KIF13A: variants seen among roughly 807,000 people sequenced by gnomAD.
KIF13A encodes the protein kinesin-like protein KIF13A.
In KIF13A, 79 loss-of-function variants were observed where a neutral mutation model predicts 212.2. The observed-to-expected ratio is 0.37, with a 90% confidence interval of 0.31 to 0.45. KIF13A has a LOEUF of 0.45. Among genes scored for constraint, KIF13A ranks in the 20% least tolerant of loss-of-function variants. The probability of loss-of-function intolerance (pLI) is 1.00; values close to 1 mark genes in which losing one functional copy is unlikely to be tolerated. For missense variants in KIF13A, 1,901 were observed against 2,209.0 expected (o/e 0.86, Z 2.79); for synonymous variants, 789 against 808.6 (o/e 0.98, Z 0.41).
intron 2 of KIF13A, among the ~76,000 whole-genome samples, chr6:17,933,663 C>T (rs573074247): frequency 6.6e-6 from 1 of 151,858 alleles, no homozygotes; most frequent in Non-Finnish European, 1.5e-5. Flanking sequence ...TTTCCTGACA[C>T]GGGAAAAATA....
chr6:17,950,765 A>G (rs1561795381), intron 2 of KIF13A: 7 of 980,908 alleles, frequency 7.1e-6, no homozygotes, highest in Admixed American at 6.2e-5. Flanking sequence ...ACCCTTATCC[A>G]CCCAACTAGA....
At chr6:17,862,977 A>AAAC (rs1562069808) in intron 4 of KIF13A, among the ~76,000 whole-genome samples, 4 of 151,714 alleles carry the variant, frequency 2.6e-5, no homozygotes, top group African/African-American at 9.7e-5. Flanking sequence ...AACAAACAAA[A>AAAC]AAACAAAATT....
chr6:17,816,469 AC>A lies in KIF13A; in HGVS notation c.2000+550del, dbSNP rs1359173948. ...CCTCCCAGTGACCTTATAGGCATGC[AC>A]CACCACGCCTGGGTAATTTTTACTT... On this transcript the variant is annotated intron_variant, in intron 17 of 38. Transcript: ENST00000259711. This position sits in a 1 kb window ranked among gnomAD's most constrained non-coding sequence, Gnocchi z 4.3. Among the ~76,000 whole-genome samples, 1 of 151,904 alleles carries A rather than the reference AC, an allele frequency of 6.6e-6. No individual in the cohort carries two copies. Among genetic ancestry groups the A allele is most frequent in the Non-Finnish European group, 1.5e-5 (1 of 67,988 alleles).
chr6:17,838,742 T>C lies in KIF13A; in HGVS notation c.831-1159A>G, dbSNP rs1434513821. 2.6e-5 allele frequency among the ~76,000 whole-genome samples: 4 copies of C among 152,294 alleles called. No individual in the cohort carries two copies. The highest frequency in any genetic ancestry group is 2.0e-4 in the Admixed American group (3 of 15,292). ...GCTAAATAACGTGTACTCATGGACA[T>C]AGAGACTGGAATGGACAATGGAGAC... On this transcript the variant is annotated intron_variant, in intron 9 of 38. Transcript: ENST00000259711. The surrounding 1 kb of genome is among the most constrained non-coding windows in gnomAD (Gnocchi z 4.2).
chr6:17,987,528 C>A lies in KIF13A; in HGVS notation c.-65G>T. The A allele has an allele frequency of 1.1e-6, 1 of 917,278 alleles. No individual in the cohort carries two copies. The highest frequency in any genetic ancestry group is 1.3e-6 in the Non-Finnish European group (1 of 755,406). The allele number at this position is 917,278 out of a possible 1,614,324, so 56.8% of individuals were successfully genotyped here. On this transcript the variant is annotated 5_prime_UTR_variant, in exon 1 of 39. Coordinates refer to ENST00000259711, the MANE Select transcript of KIF13A (RefSeq NM_022113.6). The surrounding 1 kb of genome is among the most constrained non-coding windows in gnomAD (Gnocchi z 7.7). The stretch of plus-strand genomic sequence containing the variant: ...GCCTTAGGCGGCCCCTCACGCGCGG[C>A]GCCGCCGCCGCTGCAGCCGCGCGCC...
intron 2 of KIF13A, among the ~76,000 whole-genome samples, chr6:17,966,744 C>T (rs1334865527): frequency 1.3e-5 from 2 of 152,202 alleles, no homozygotes; most frequent in Non-Finnish European, 2.9e-5. Flanking sequence ...CTCACTACTT[C>T]AGCTTCATCC....
chr6:17,953,565 C>A (rs961161155), intron 2 of KIF13A: 3 of 152,276 alleles, frequency 2.0e-5, no homozygotes. Context: ...AGTAAACCAC[C>A]GGCATGGCCG....
rs1266640381 is a variant in KIF13A at position 17,967,835 on chromosome 6, G to C, written c.146+19219C>G. ...CTGTGAGATGCATCACAAGTAACTT[G>C]TTAATAAGGTGCTCATTAAGTAAGT... On this transcript the variant is annotated intron_variant, in intron 2 of 38. Coordinates refer to ENST00000259711, the MANE Select transcript of KIF13A (RefSeq NM_022113.6). The surrounding 1 kb of genome is among the most constrained non-coding windows in gnomAD (Gnocchi z 4.1). 2.0e-5 allele frequency among the ~76,000 whole-genome samples: 3 copies of C among 152,186 alleles called. No homozygotes were observed. Among genetic ancestry groups the C allele is most frequent in the Non-Finnish European group, 4.4e-5 (3 of 68,042 alleles).
At chr6:17,833,856 A>C (rs1765684478) in intron 12 of KIF13A, 105 bp downstream of exon 12, 2 of 71,614 alleles carry the variant, frequency 2.8e-5, no homozygotes, top group South Asian at 3.0e-4. Context: ...ACTCCGTCTC[A>C]AAAAAAAAAA....
At chr6:17,798,572 A>G (rs1762231368) in intron 22 of KIF13A, among the ~76,000 whole-genome samples, 1 of 152,218 alleles carries the variant, frequency 6.6e-6, no homozygotes, top group African/African-American at 2.4e-5. Flanking sequence ...AAGAATAAGC[A>G]TGATTTGCAA....
At position 17,783,392 on chromosome 6, in the gene KIF13A, G is replaced by A. The variant is rs1480583972; in HGVS notation, c.3544+254C>T. ...AATCTCTAGGGGTGATTACTTTCCAGGGTAATTTCTATGTCCACTGTTTCA... is the reference window on the plus strand; with the variant it reads ...AATCTCTAGGGGTGATTACTTTCCAAGGTAATTTCTATGTCCACTGTTTCA... On this transcript the variant is annotated intron_variant, in intron 29 of 38. Coordinates refer to ENST00000259711, the MANE Select transcript of KIF13A (RefSeq NM_022113.6). This position sits in a 1 kb window ranked among gnomAD's most constrained non-coding sequence, Gnocchi z 4.3. Among the ~76,000 whole-genome samples the A allele has an allele frequency of 6.6e-6, 1 of 152,226 alleles. No homozygotes were observed. Among genetic ancestry groups the A allele is most frequent in the East Asian group, 1.9e-4 (1 of 5,196 alleles).
rs900521686 is a variant in KIF13A at position 17,855,677 on chromosome 6, A to G, written c.314-60T>C. The G allele has an allele frequency of 7.4e-7, 1 of 1,354,738 alleles. No individual in the cohort carries two copies. Among genetic ancestry groups the G allele is most frequent in the African/African-American group, 1.5e-5 (1 of 68,258 alleles). 83.9% of individuals were successfully genotyped at this position (1,354,738 alleles called of 1,614,324 possible). ...AGGAGGGAGCAAAATGCAATGCTTC[A>G]ACCATACAAGGTTTCCCCATATACT... On this transcript the variant is annotated intron_variant, in intron 5 of 38. Transcript: ENST00000259711. The surrounding 1 kb of genome is among the most constrained non-coding windows in gnomAD (Gnocchi z 4.1).
chr6:17,947,772 T>A lies in KIF13A; in HGVS notation c.146+39282A>T, dbSNP rs989958248. 5.3e-5 allele frequency among the ~76,000 whole-genome samples: 8 copies of A among 151,538 alleles called. No homozygotes were observed. The highest frequency in any genetic ancestry group is 1.9e-4 in the African/African-American group (8 of 41,186). On this transcript the variant is annotated intron_variant, in intron 2 of 38. Transcript: ENST00000259711. This position sits in a 1 kb window ranked among gnomAD's most constrained non-coding sequence, Gnocchi z 4.6. Reference sequence around the variant, plus strand: ...AGGAGAATCACTTGAACCTAAGAAGTGGAGGTTGCAGTGAGCCGAGATTGC... The same window carrying A: ...AGGAGAATCACTTGAACCTAAGAAGAGGAGGTTGCAGTGAGCCGAGATTGC...
chr6:17,761,821 G>A (rs1758599752), downstream of KIF13A, among the ~76,000 whole-genome samples: 2 of 152,090 alleles, frequency 1.3e-5, no homozygotes, highest in South Asian at 4.1e-4. Context: ...TTCCTGTTGG[G>A]TTCTAAATAA....
chr6:17,986,487 G>T (rs756949375), intron 2 of KIF13A, among the ~76,000 whole-genome samples: 2 of 152,018 alleles, frequency 1.3e-5, no homozygotes, highest in Non-Finnish European at 2.9e-5. Context: ...CAAAATTCGC[G>T]CATTACATTG....
intron 16 of KIF13A, among the ~76,000 whole-genome samples, chr6:17,823,871 G>A (rs374841709): frequency 1.3e-5 from 2 of 151,944 alleles, no homozygotes; most frequent in East Asian, 3.9e-4. Flanking sequence ...CCAAAGTGCT[G>A]GGATTACAGA....
chr6:17,857,690 T>C (rs2150408899), intron 4 of KIF13A, among the ~76,000 whole-genome samples: 1 of 152,302 alleles, frequency 6.6e-6, no homozygotes, highest in South Asian at 2.1e-4. Context: ...GGTATTTTCA[T>C]AAGCTGCATA....
rs1196742120 is a variant in KIF13A, at chr6:17,971,460, C to T, written c.146+15594G>A. Among the ~76,000 whole-genome samples, 5 of 151,766 alleles carry T rather than the reference C, an allele frequency of 3.3e-5. No homozygotes were observed. The highest frequency in any genetic ancestry group is 1.9e-4 in the East Asian group (1 of 5,176). ...TTTTTGACACAGGGTCTCACTCTGT[C>T]GCCCAGGCTGGAGTGCAGTGGTGTA... On this transcript the variant is annotated intron_variant, in intron 2 of 38. Transcript: ENST00000259711. This position sits in a 1 kb window ranked among gnomAD's most constrained non-coding sequence, Gnocchi z 4.2.
intron 12 of KIF13A, among the ~76,000 whole-genome samples, chr6:17,831,855 T>C (rs1236468961): frequency 6.6e-6 from 1 of 151,536 alleles, no homozygotes; most frequent in Non-Finnish European, 1.5e-5. Flanking sequence ...ATATATTTAT[T>C]AGAGTCTACA....
Sources: gnomAD v4.1 joint callset for allele counts (sites outside exome capture counted in the v4.1 genomes callset) on GRCh38, gnomAD v4.1.1 for gene constraint, Gnocchi (gnomAD v3.1) non-coding constraint, MANE v1.5 for transcripts, NCBI Gene and HGNC (gene_info 2026-07-23, HGNC 2026-07-21) for gene names.